Variants in KRT71 observed in about 807,000 individuals in gnomAD.
KRT71 encodes the protein keratin 71.
In KRT71, 42 loss-of-function variants were observed where a neutral mutation model predicts 46.2. That is an observed-to-expected ratio of 0.91 (90% CI 0.71 to 1.18). The LOEUF is 1.18. KRT71 is among the 50% of genes most tolerant of loss of function. KRT71 has a pLI of 0.00. For synonymous variants in KRT71, 292 were observed against 277.8 expected, an observed-to-expected ratio of 1.05 and a Z score of -0.51; for missense variants, 708 against 677.9, an observed-to-expected ratio of 1.04 and a Z score of -0.49.
rs61729863 is a variant in KRT71 at position 52,552,640 on chromosome 12, G to A, written c.438C>T (p.Asp146=). The A allele has an allele frequency of 5.3e-3, 8,490 of 1,609,334 alleles. 415 individuals carry two copies. In the African/African-American group the frequency reaches 0.1, roughly 19 times the overall value. ...ALNNKFASFI[D]KVRFLEQQNQ... ...CCCCAGGCCCTAGAAGACCCACCTT[G>A]TCGATGAAGGAGGCGAACTTGTTGT... The change falls in exon 1 of 9, where the codon GAC becomes GAT. Residue 146 remains aspartate, a synonymous_variant. Coordinates refer to ENST00000267119, the MANE Select transcript of KRT71 (RefSeq NM_033448.3).
At chr12:52,549,714 G>A (rs970405731) in intron 2 of KRT71, among the ~76,000 whole-genome samples, 1 of 152,168 alleles carries the variant, frequency 6.6e-6, no homozygotes, top group African/African-American at 2.4e-5. Context: ...GAGCAGTCTT[G>A]GAGCCAGATG....
chr12:52,550,891 G>C lies in KRT71; in HGVS notation c.442-648C>G, dbSNP rs12312797. Among the ~76,000 whole-genome samples the C allele has an allele frequency of 0.037, 5,576 of 152,242 alleles. 932 individuals carry two copies. The East Asian group carries it at 0.51, about 14-fold the overall frequency. On this transcript the variant is annotated intron_variant, in intron 1 of 8. Coordinates refer to ENST00000267119, the MANE Select transcript of KRT71 (RefSeq NM_033448.3). The stretch of plus-strand genomic sequence containing the variant: ...ATACACACCTCTTGTTTGGTTTTTG[G>C]GGATGGGGAGCACAGTTTTTAAAAT...
Position 52,549,992 on chromosome 12 carries a change from G to A in KRT71, c.656+37C>T, listed in dbSNP as rs769139107. 29 of 1,611,262 alleles carry A rather than the reference G, an allele frequency of 1.8e-5. No homozygotes were observed. The South Asian group carries it at 2.4e-4, about 13-fold the overall frequency. On this transcript the variant is annotated intron_variant, in intron 2 of 8. Transcript: ENST00000267119. ...CCAGGGGTCCCTTGGAGGGACAAGG[G>A]CAGTTGTCCAGTTACAGGGGGACTC...
At position 52,552,524 on chromosome 12, in the gene KRT71, A is replaced by G. The variant is rs963073766; in HGVS notation, c.441+113T>C. On this transcript the variant is annotated intron_variant, in intron 1 of 8. Transcript: ENST00000267119. Reference sequence around the variant, plus strand: ...GATGGGATGTACCTACCTTGTCCACAGTAAAGTCTTCCTCACATCTAACCT... The same window carrying G: ...GATGGGATGTACCTACCTTGTCCACGGTAAAGTCTTCCTCACATCTAACCT... 6 of 1,107,064 alleles carry G rather than the reference A, an allele frequency of 5.4e-6. No individual in the cohort carries two copies. The African/African-American group carries it at 7.9e-5, about 15-fold the overall frequency. The allele number at this position is 1,107,064 out of a possible 1,614,324, so 68.6% of individuals were successfully genotyped here.
rs777902552 is a variant in KRT71 at position 52,546,368 on chromosome 12, A to G, written c.1243T>C (p.Tyr415His). 12 of 1,614,056 alleles carry G rather than the reference A, an allele frequency of 7.4e-6. No individual in the cohort carries two copies. The Admixed American group carries it at 8.3e-5, about 11-fold the overall frequency. ...AGCTTCAGGCTCATGAGCTCCTGGT[A>G]CTCGCGCAGCATCCGCGCCAGCTCC... ...KEELARMLRE[Y>H]QELMSLKLAL... Residue 415 changes from tyrosine (Y) to histidine (H), a missense_variant, in exon 7 of 9, where the codon TAC becomes CAC. By Grantham distance (83) the Tyr-to-His change is moderately conservative. Transcript: ENST00000267119.
rs772891817 is a variant in KRT71, at chr12:52,548,170, C to T, written c.960G>A (p.Glu320=). Residue 320 remains glutamate, a synonymous_variant, in exon 5 of 9, where the codon GAG becomes GAA. Transcript: ENST00000267119. ...AGCTCACCTTGGTCTGGTACAGGGCCTCAGCCTCGGCCTTACTCTTCAAGG... is the reference window on the plus strand; with the variant it reads ...AGCTCACCTTGGTCTGGTACAGGGCTTCAGCCTCGGCCTTACTCTTCAAGG... ...EIALKSKAEA[E]ALYQTKFQEL... is the part of the protein sequence containing the mutation. The T allele has an allele frequency of 1.9e-6, 3 of 1,613,700 alleles. No homozygotes were observed. The highest frequency in any genetic ancestry group is 2.5e-6 in the Non-Finnish European group (3 of 1,179,698).
Position 52,546,456 on chromosome 12 carries a change from G to A in KRT71, c.1155C>T (p.Asn385=), listed in dbSNP as rs147851611. Residue 385 remains asparagine, a synonymous_variant, in exon 7 of 9, where the codon AAC becomes AAT. Coordinates refer to ENST00000267119, the MANE Select transcript of KRT71 (RefSeq NM_033448.3). ...GCTTGGCCCGGGCATCCTTCAGGGC[G>A]TTGTCTCCCCGCTGCTCAGCATCAG... ...AIADAEQRGD[N]ALKDARAKLD... The A allele has an allele frequency of 5.2e-5, 84 of 1,614,196 alleles. No homozygotes were observed. Among genetic ancestry groups the A allele is most frequent in the African/African-American group, 3.7e-4 (28 of 75,068 alleles).
chr12:52,551,987 A>G (rs912657038), intron 1 of KRT71, among the ~76,000 whole-genome samples: 1 of 152,066 alleles, frequency 6.6e-6, no homozygotes, highest in Admixed American at 6.6e-5. Context: ...CTTCACCTGC[A>G]TTTTCTTTTA....
At chr12:52,546,613 C>A in intron 6 of KRT71, 107 bp from the exon 7 acceptor site, 1 of 1,045,990 alleles carries the variant, frequency 9.6e-7, no homozygotes. Flanking sequence ...CGCCTCCACC[C>A]TACACACACC....
In KRT71 at chr12:52,552,894, C is replaced by T; in HGVS notation, c.184G>A (p.Gly62Ser). Residue 62 changes from glycine to serine, a missense_variant, in exon 1 of 9, where the codon GGC becomes AGC. Physicochemically the swap from Gly to Ser is moderately conservative, Grantham distance 56. Transcript: ENST00000267119. ...CCATAGCCTCCACTCTTCCCGCTGC[C>T]ACTGGCCACATTGAGGCTCCGGACA... ...GGVRSLNVASGSGKSGGYGFG... is the reference protein window; with the variant it reads ...GGVRSLNVASSSGKSGGYGFG... The T allele has an allele frequency of 6.2e-7, 1 of 1,614,216 alleles. No homozygotes were observed. Among genetic ancestry groups the T allele is most frequent in the Non-Finnish European group, 8.5e-7 (1 of 1,180,044 alleles).
At chr12:52,549,240 T>C (rs999690967) in intron 3 of KRT71, 53 bp downstream of exon 3, 3 of 1,394,190 alleles carry the variant, frequency 2.2e-6, no homozygotes, top group Non-Finnish European at 3.1e-6. Flanking sequence ...GCAGGCTCTG[T>C]TCCTCCAGGT....
intron 8 of KRT71, 128 bp from the exon 9 acceptor site, chr12:52,544,871 G>T: frequency 1.3e-6 from 1 of 747,124 alleles, no homozygotes; most frequent in Non-Finnish European, 2.2e-6. Flanking sequence ...CCTCTCCCTG[G>T]GGAGAATGTA....
At chr12:52,546,574 C>G (rs1380484247) in intron 6 of KRT71, 68 bp from the exon 7 acceptor site, 5 of 1,509,666 alleles carry the variant, frequency 3.3e-6, no homozygotes, top group Non-Finnish European at 1.8e-6. Context: ...TCCAATCCCT[C>G]TGGGTCCTTA....
intron 6 of KRT71, 39 bp downstream of exon 6, chr12:52,547,818 C>G (rs955910586): frequency 1.9e-6 from 3 of 1,609,670 alleles, no homozygotes; most frequent in Non-Finnish European, 1.7e-6. Flanking sequence ...CTCATGCTCC[C>G]CTGCACTTGA....
chr12:52,544,521 G>A lies in KRT71; in HGVS notation c.*11C>T, dbSNP rs1939021458. Reference sequence around the variant, plus strand: ...GGTCATGGAATGAGGCGGGGCCCGGGGCAGTCTTCTCTACCGACTGGTTTT... The same window carrying A: ...GGTCATGGAATGAGGCGGGGCCCGGAGCAGTCTTCTCTACCGACTGGTTTT... On this transcript the variant is annotated 3_prime_UTR_variant, in exon 9 of 9. Transcript: ENST00000267119. The A allele has an allele frequency of 2.5e-6, 4 of 1,611,816 alleles. No individual in the cohort carries two copies. The highest frequency in any genetic ancestry group is 1.3e-5 in the African/African-American group (1 of 74,996).
In KRT71 at chr12:52,546,282, C is replaced by G. The variant is rs1939054845; in HGVS notation, c.1325+4G>C. On this transcript the variant is annotated splice_donor_region_variant and intron_variant, in intron 7 of 8. Coordinates refer to ENST00000267119, the MANE Select transcript of KRT71 (RefSeq NM_033448.3). ...GCCCTCCTGTCTGGGCACGCCCCGC[C>G]CACCTGCACTCCTCGCTCTCCAGTA... 7 of 1,613,930 alleles carry G rather than the reference C, an allele frequency of 4.3e-6. No homozygotes were observed. In the East Asian group the frequency reaches 1.3e-4, roughly 31 times the overall value.
chr12:52,547,245 A>G lies in KRT71; in HGVS notation c.1104+612T>C, dbSNP rs141045850. On this transcript the variant is annotated intron_variant, in intron 6 of 8. Transcript: ENST00000267119. ...ACAGCGAGGGCAACTGTTGCCTCTC[A>G]GGGTCTTGGTGAGGATGAAGTGCGA... Among the ~76,000 whole-genome samples, 5 of 152,250 alleles carry G rather than the reference A, an allele frequency of 3.3e-5. No individual in the cohort carries two copies. In the East Asian group the frequency reaches 9.6e-4, roughly 29 times the overall value.
In KRT71 at chr12:52,544,178, G is replaced by A; in HGVS notation, c.*354C>T. ...GGAACTATGCTAGGTCCCAGTGTGT[G>A]CGGGGCCTTGGGCAGAGACCCAGGG... On this transcript the variant is annotated 3_prime_UTR_variant, in exon 9 of 9. Transcript: ENST00000267119. 2.9e-6 allele frequency: 1 copy of A among 344,890 alleles called. No homozygotes were observed. The highest frequency in any genetic ancestry group is 5.5e-6 in the Non-Finnish European group (1 of 180,486). 21.4% of individuals were successfully genotyped at this position (344,890 alleles called of 1,614,324 possible). A position where few individuals can be genotyped will look rare whatever the true frequency, so the allele number is the denominator to read the frequency against.
rs751538673 is a variant in KRT71 at position 52,544,572 on chromosome 12, C to T, written c.1532G>A (p.Gly511Asp). Residue 511 changes from glycine (G) to aspartate (D), a missense_variant, in exon 9 of 9, where the codon GGT (glycine) becomes GAT (aspartate). Gly to Asp is a moderately conservative substitution (Grantham distance 94). Transcript: ENST00000267119. ...ANDYKDTLGKGSSLSAPSKKT... is the reference protein window; with the variant it reads ...ANDYKDTLGKDSSLSAPSKKT... The stretch of plus-strand genomic sequence containing the variant: ...CTTGGAGGGTGCACTCAGGCTGGAA[C>T]CCTTCCCTAGGGTGTCTTTGTAATC... 6.2e-7 allele frequency: 1 copy of T among 1,614,090 alleles called. No individual in the cohort carries two copies. Among genetic ancestry groups the T allele is most frequent in the South Asian group, 1.1e-5 (1 of 91,086 alleles).
Sources: gnomAD v4.1 joint callset for allele counts (sites outside exome capture counted in the v4.1 genomes callset) on GRCh38, gnomAD v4.1.1 for gene constraint, MANE v1.5 for transcripts, NCBI Gene and HGNC (gene_info 2026-07-23, HGNC 2026-07-21) for gene names.